PHF12: variants seen among roughly 807,000 people sequenced by gnomAD.
PHF12 encodes the protein PHD finger protein 12.
PHF12 carries 6 observed loss-of-function variants against 99.8 expected under a neutral mutation model. That is an observed-to-expected ratio of 0.06 (90% confidence interval 0.03 to 0.12). PHF12 has a LOEUF of 0.12. Among genes scored for constraint, PHF12 ranks in the 10% least tolerant of loss-of-function variants. PHF12 has a pLI of 1.00. For missense variants in PHF12, 954 were observed against 1,300.1 expected (o/e 0.73, Z 4.09); for synonymous variants, 480 against 514.9 (o/e 0.93, Z 0.92).
intron 2 of PHF12, among the ~76,000 whole-genome samples, chr17:28,929,328 C>T (rs1450660784): frequency 3.3e-5 from 5 of 151,516 alleles, no homozygotes; most frequent in South Asian, 2.1e-4. Flanking sequence ...CTGCAACCTC[C>T]GCCTCCCATG....
intron 2 of PHF12, among the ~76,000 whole-genome samples, chr17:28,945,816 A>G (rs1009885482): frequency 3.3e-5 from 5 of 152,218 alleles, no homozygotes; most frequent in African/African-American, 1.2e-4. Flanking sequence ...ATGAAGTCAG[A>G]TTCACCAAGG....
chr17:28,921,910 G>C, intron 4 of PHF12, 102 bp from the exon 5 acceptor site: 20 of 1,497,910 alleles, frequency 1.3e-5, no homozygotes, highest in Non-Finnish European at 1.8e-5. Context: ...TTAAGCATGT[G>C]TCATGGCCTA....
chr17:28,946,776 G>A (rs201720893), intron 2 of PHF12, among the ~76,000 whole-genome samples: 1 of 152,124 alleles, frequency 6.6e-6, no homozygotes, highest in East Asian at 1.9e-4. Flanking sequence ...GGCCTCAGGC[G>A]ATCCTCCCAC....
chr17:28,943,361 G>A (rs2040656124), intron 2 of PHF12, among the ~76,000 whole-genome samples: 1 of 152,156 alleles, frequency 6.6e-6, no homozygotes, highest in African/African-American at 2.4e-5. Context: ...CTGGCACGGT[G>A]GCTCACACCT....
chr17:28,926,725 G>GA, intron 3 of PHF12: 1 of 1,338,400 alleles, frequency 7.5e-7, no homozygotes, highest in Non-Finnish European at 1.0e-6. Flanking sequence ...AGGACAACAA[G>GA]AAGGTAAGAC....
intron 5 of PHF12, among the ~76,000 whole-genome samples, chr17:28,920,866 TTTTA>T (rs2040150458): frequency 6.7e-6 from 1 of 150,306 alleles, no homozygotes; most frequent in African/African-American, 2.5e-5. Flanking sequence ...GGGCCATTGT[TTTTA>T]TTTATTTTTA....
chr17:28,922,300 C>T (rs1321789687), intron 4 of PHF12, among the ~76,000 whole-genome samples: 1 of 152,008 alleles, frequency 6.6e-6, no homozygotes, highest in Non-Finnish European at 1.5e-5. Flanking sequence ...CATTATGTTG[C>T]CAAGACTGGT....
intron 2 of PHF12, among the ~76,000 whole-genome samples, chr17:28,946,094 T>C (rs149586248): frequency 0.016 from 2,486 of 152,126 alleles, 60 homozygotes; most frequent in African/African-American, 0.057. Context: ...ATTGCGCTAC[T>C]GCACTCCAGC....
intron 9 of PHF12, 106 bp from the exon 10 acceptor site, chr17:28,911,343 C>A: frequency 6.8e-7 from 1 of 1,466,550 alleles, no homozygotes; most frequent in Non-Finnish European, 9.2e-7. Flanking sequence ...AGGTGATGTT[C>A]CCTTCTTGAT....
Position 28,950,241 on chromosome 17 carries a change from G to A in PHF12, c.72C>T (p.Ile24=), listed in dbSNP as rs373800742. ...TCTTGGGGGGAGCCAGCAGAGCTTGGATTTGCTGCACACACATACAAACGG... is the reference window on the plus strand; with the variant it reads ...TCTTGGGGGGAGCCAGCAGAGCTTGAATTTGCTGCACACACATACAAACGG... ...LDTSGGLMEQ[I]QALLAPPKTD... is the part of the protein sequence containing the mutation. The change falls in exon 2 of 15, where the codon ATC becomes ATT. Residue 24 remains isoleucine (I), a synonymous_variant. Coordinates refer to ENST00000332830, the MANE Select transcript of PHF12 (RefSeq NM_001033561.2). The surrounding 1 kb of genome is among the most constrained non-coding windows in gnomAD (Gnocchi z 5.7). 1.2e-6 allele frequency: 2 copies of A among 1,608,216 alleles called. No individual in the cohort carries two copies. The highest frequency in any genetic ancestry group is 1.7e-6 in the Non-Finnish European group (2 of 1,179,696).
At chr17:28,908,651 G>T in intron 12 of PHF12, 132 bp downstream of exon 12, 1 of 807,940 alleles carries the variant, frequency 1.2e-6, no homozygotes, top group Non-Finnish European at 2.0e-6. Context: ...CTCTTGTCTA[G>T]CTATCCACTG....
intron 10 of PHF12, 139 bp downstream of exon 10, chr17:28,910,973 A>G (rs1230753895): frequency 2.0e-6 from 2 of 1,016,152 alleles, no homozygotes; most frequent in East Asian, 5.7e-5. Flanking sequence ...ATCCAAAAGG[A>G]TACTCCTCAT....
Position 28,917,442 on chromosome 17 carries a change from T to A in PHF12, c.977A>T (p.Gln326Leu), listed in dbSNP as rs780612757. ...PNHIEHVVLN[Q>L]KNMTLSNRCQ... ...CCGATTGCTCAGTGTCATATTCTTC[T>A]GGTTCAGCTAGGGACAAAGCAGACA... The change falls in exon 7 of 15, where the codon CAG becomes CTG. Residue 326 changes from glutamine to leucine, a missense_variant. By Grantham distance (113) the Gln-to-Leu change is moderately radical. This residue lies in a region of PHF12 where 85 missense variants were observed against 196.6 expected (regional missense o/e 0.43). Coordinates refer to ENST00000332830, the MANE Select transcript of PHF12 (RefSeq NM_001033561.2). 17 of 1,607,220 alleles carry A rather than the reference T, an allele frequency of 1.1e-5. No homozygotes were observed. The highest frequency in any genetic ancestry group is 1.4e-5 in the Non-Finnish European group (17 of 1,176,000).
intron 4 of PHF12, among the ~76,000 whole-genome samples, chr17:28,923,032 T>G (rs2040193394): frequency 2.0e-5 from 3 of 150,302 alleles, no homozygotes; most frequent in Admixed American, 1.3e-4. Context: ...CACAGTGCAG[T>G]GCAGCCTCTG....
chr17:28,910,943 CT>C, intron 10 of PHF12, 168 bp downstream of exon 10: 1 of 938,636 alleles, frequency 1.1e-6, no homozygotes, highest in Non-Finnish European at 1.5e-6. Context: ...AAGGAGCTTT[CT>C]TTTTCACCCC....
At chr17:28,918,790 G>A (rs1481372947) in intron 6 of PHF12, among the ~76,000 whole-genome samples, 1 of 152,118 alleles carries the variant, frequency 6.6e-6, no homozygotes, top group African/African-American at 2.4e-5. Context: ...ACTTCATTTG[G>A]TGCCTGGGAC....
chr17:28,950,303 G>T lies in PHF12; in HGVS notation c.67-57C>A. The T allele has an allele frequency of 6.6e-7, 1 of 1,520,686 alleles. No individual in the cohort carries two copies. Among genetic ancestry groups the T allele is most frequent in the South Asian group, 1.2e-5 (1 of 84,678 alleles). 94.2% of individuals were successfully genotyped at this position (1,520,686 alleles called of 1,614,324 possible). A position where few individuals can be genotyped will look rare whatever the true frequency, so the allele number is the denominator to read the frequency against. Reference sequence around the variant, plus strand: ...ACTCGGAGCTCCCGGGCGGTCCGTCGCCCCCCCGGCGCGGTTTCTCCGTCA... The same window carrying T: ...ACTCGGAGCTCCCGGGCGGTCCGTCTCCCCCCCGGCGCGGTTTCTCCGTCA... On this transcript the variant is annotated intron_variant, in intron 1 of 14. Coordinates refer to ENST00000332830, the MANE Select transcript of PHF12 (RefSeq NM_001033561.2). The surrounding 1 kb of genome is among the most constrained non-coding windows in gnomAD (Gnocchi z 5.7).
At position 28,924,033 on chromosome 17, in the gene PHF12, C is replaced by T. The variant is rs541676125; in HGVS notation, c.591G>A (p.Ala197=). 15 of 1,614,162 alleles carry T rather than the reference C, an allele frequency of 9.3e-6. No homozygotes were observed. Among genetic ancestry groups the T allele is most frequent in the Admixed American group, 1.7e-5 (1 of 60,018 alleles). The change falls in exon 4 of 15, where the codon GCG becomes GCA. Residue 197 remains alanine, a synonymous_variant. Coordinates refer to ENST00000332830, the MANE Select transcript of PHF12 (RefSeq NM_001033561.2). ...IIDVDEEPVA[A]EPDYVQPQLR... is the part of the protein sequence containing the mutation. The stretch of plus-strand genomic sequence containing the variant: ...GCTGGGGCTGCACATAGTCTGGCTC[C>T]GCTGCTACTGGTTCCTCATCCACGT...
intron 7 of PHF12, among the ~76,000 whole-genome samples, chr17:28,914,926 C>G (rs937176612): frequency 6.6e-6 from 1 of 152,202 alleles, no homozygotes; most frequent in Non-Finnish European, 1.5e-5. Context: ...GGCACTGTTC[C>G]AAGTTCTAGA....
Sources: gnomAD v4.1 joint callset for allele counts (sites outside exome capture counted in the v4.1 genomes callset) on GRCh38, gnomAD v4.1.1 for gene constraint, gnomAD v4.1.1 regional missense constraint, Gnocchi (gnomAD v3.1) non-coding constraint, MANE v1.5 for transcripts, NCBI Gene and HGNC (gene_info 2026-07-23, HGNC 2026-07-21) for gene names.